GABRG3: variants seen among roughly 807,000 people sequenced by gnomAD.
GABRG3 encodes gamma-aminobutyric acid type A receptor subunit gamma3.
Under a neutral mutation model 48.8 loss-of-function variants are expected in GABRG3, and 25 were observed. The ratio of observed to expected loss-of-function variants is 0.51; its 90% CI spans 0.37 to 0.72. The LOEUF is 0.72. Among genes scored for constraint, GABRG3 ranks in the 30% least tolerant of loss-of-function variants. GABRG3 has a pLI of 0.00. For synonymous variants in GABRG3, 227 were observed against 217.6 expected, an observed-to-expected ratio of 1.04 and a Z score of -0.38; for missense variants, 394 against 577.9, an observed-to-expected ratio of 0.68 and a Z score of 3.26.
chr15:27,234,250 G>T (rs971179786), intron 3 of GABRG3, among the ~76,000 whole-genome samples: 4 of 152,144 alleles, frequency 2.6e-5, no homozygotes, highest in Non-Finnish European at 5.9e-5. Context: ...GCCCACAGAA[G>T]CCAGTGCTGC....
chr15:27,400,653 C>CT (rs1171031581), intron 5 of GABRG3, among the ~76,000 whole-genome samples: 1 of 152,188 alleles, frequency 6.6e-6, no homozygotes, highest in Non-Finnish European at 1.5e-5. Context: ...TTCCTCACCA[C>CT]TAGATGAGGA....
At chr15:27,277,028 TA>T (rs1891276666) in intron 3 of GABRG3, among the ~76,000 whole-genome samples, 1 of 152,198 alleles carries the variant, frequency 6.6e-6, no homozygotes, top group Non-Finnish European at 1.5e-5. Context: ...ACTTGGTAAC[TA>T]ATAAGATGCT....
chr15:27,104,818 A>G (rs562951531), intron 3 of GABRG3, among the ~76,000 whole-genome samples: 2 of 152,228 alleles, frequency 1.3e-5, no homozygotes, highest in Non-Finnish European at 2.9e-5. Flanking sequence ...ACTGTTGTCT[A>G]TGTGGAACTA....
At chr15:27,170,499 C>T (rs1404353089) in intron 3 of GABRG3, among the ~76,000 whole-genome samples, 1 of 152,080 alleles carries the variant, frequency 6.6e-6, no homozygotes, top group African/African-American at 2.4e-5. Context: ...AGTAGAAACT[C>T]TAAAATGCTC....
chr15:26,985,773 G>A (rs1010488227), intron 2 of GABRG3, among the ~76,000 whole-genome samples: 2 of 152,260 alleles, frequency 1.3e-5, no homozygotes, highest in Middle Eastern at 3.4e-3. Flanking sequence ...ATGAAGGGCC[G>A]TACAAAGAAC....
At chr15:27,016,297 C>A (rs2140671375) in intron 2 of GABRG3, among the ~76,000 whole-genome samples, 1 of 148,968 alleles carries the variant, frequency 6.7e-6, no homozygotes, top group Non-Finnish European at 1.5e-5. Flanking sequence ...AGTGCAGTGG[C>A]TCTATGACTT....
At chr15:27,415,724 G>A (rs1434380160) in intron 5 of GABRG3, among the ~76,000 whole-genome samples, 1 of 152,112 alleles carries the variant, frequency 6.6e-6, no homozygotes, top group Non-Finnish European at 1.5e-5. Context: ...GTCTCATTCT[G>A]ACTCTTGCTC....
chr15:27,520,099 T>C lies in GABRG3; in HGVS notation c.840T>C (p.Asp280=), dbSNP rs1891122954. Residue 280 remains aspartate, a synonymous_variant, in exon 7 of 10, where the codon GAT becomes GAC. Coordinates refer to ENST00000615808, the MANE Select transcript of GABRG3 (RefSeq NM_033223.5). Reference sequence around the variant, plus strand: ...GGGTGTCATTTTGGATCAAAAAAGATGCTACGCCAGCAAGAACAGCATTAG... The same window carrying C: ...GGGTGTCATTTTGGATCAAAAAAGACGCTACGCCAGCAAGAACAGCATTAG... ...LSWVSFWIKK[D]ATPARTALGI... 1 of 1,605,392 alleles carries C rather than the reference T, an allele frequency of 6.2e-7. No individual in the cohort carries two copies. Among genetic ancestry groups the C allele is most frequent in the Non-Finnish European group, 8.5e-7 (1 of 1,175,562 alleles).
chr15:27,019,668 T>A (rs1042048386), intron 2 of GABRG3, among the ~76,000 whole-genome samples: 1 of 152,114 alleles, frequency 6.6e-6, no homozygotes, highest in African/African-American at 2.4e-5. Context: ...CTCTGCCTAA[T>A]ACATCATTGT....
intron 6 of GABRG3, among the ~76,000 whole-genome samples, chr15:27,481,810 A>G (rs1890106592): frequency 6.6e-6 from 1 of 152,162 alleles, no homozygotes; most frequent in Non-Finnish European, 1.5e-5. Flanking sequence ...TATTTAAATG[A>G]ACTGTGGAGG....
At chr15:27,305,089 T>C (rs1327440791) in intron 3 of GABRG3, among the ~76,000 whole-genome samples, 3 of 151,926 alleles carry the variant, frequency 2.0e-5, no homozygotes, top group Non-Finnish European at 4.4e-5. Context: ...AGGTTTTTAA[T>C]ACATTTTGAG....
intron 3 of GABRG3, among the ~76,000 whole-genome samples, chr15:27,250,688 A>G (rs2003141): frequency 0.3 from 45,326 of 152,196 alleles, 8,649 homozygotes; most frequent in Non-Finnish European, 0.42. Flanking sequence ...TGGCCTCCCA[A>G]AGTGCTGGGA....
intron 2 of GABRG3, among the ~76,000 whole-genome samples, chr15:26,994,687 T>A (rs1168259507): frequency 2.0e-5 from 3 of 152,066 alleles, no homozygotes; most frequent in African/African-American, 2.4e-5. Flanking sequence ...ATCAGTGAGT[T>A]TTGTACCTTT....
At chr15:27,522,763 A>G (rs1470789760) in intron 7 of GABRG3, among the ~76,000 whole-genome samples, 1 of 151,942 alleles carries the variant, frequency 6.6e-6, no homozygotes, top group Non-Finnish European at 1.5e-5. Context: ...AAGACAAAAC[A>G]TTCATAAATG....
rs115453815 is a variant in GABRG3 at position 27,081,103 on chromosome 15, A to G, written c.270+54282A>G. On this transcript the variant is annotated intron_variant, in intron 3 of 9. Transcript: ENST00000615808. ...AAGCCTGGCCCACATCAGCAGGACC[A>G]CAAGTTGACCTGGAGACTCCTGAGC... Among the ~76,000 whole-genome samples the G allele has an allele frequency of 6.9e-3, 1,047 of 152,290 alleles. 11 individuals carry two copies. Among genetic ancestry groups the G allele is most frequent in the African/African-American group, 0.024 (1,014 of 41,562 alleles).
chr15:27,391,999 C>G (rs1464675181), intron 5 of GABRG3, among the ~76,000 whole-genome samples: 1 of 152,154 alleles, frequency 6.6e-6, no homozygotes, highest in East Asian at 1.9e-4. Context: ...TGGTACATAC[C>G]TTTGCTGTGA....
At chr15:27,090,731 A>G (rs995886987) in intron 3 of GABRG3, among the ~76,000 whole-genome samples, 4 of 152,268 alleles carry the variant, frequency 2.6e-5, no homozygotes, top group Admixed American at 2.0e-4. Context: ...AATTATCCCT[A>G]AGTATTTTTG....
chr15:27,049,889 C>T (rs1896428133), intron 3 of GABRG3, among the ~76,000 whole-genome samples: 1 of 152,152 alleles, frequency 6.6e-6, no homozygotes, highest in South Asian at 2.1e-4. Context: ...CCCTGGGCCT[C>T]TGTTTTTGTA....
Position 26,985,480 on chromosome 15 carries a change from T to C in GABRG3, c.202+8330T>C, listed in dbSNP as rs370728085. Among the ~76,000 whole-genome samples the C allele has an allele frequency of 1.5e-4, 23 of 152,352 alleles. No individual in the cohort carries two copies. In the South Asian group the frequency reaches 4.6e-3, roughly 30 times the overall value. ...GCAATAAAATATGGGCCTTGAATTA[T>C]AATTTTTAAATGAGTCTTCTTATGC... On this transcript the variant is annotated intron_variant, in intron 2 of 9. Transcript: ENST00000615808.
Sources: allele counts gnomAD v4.1 joint callset (sites outside exome capture counted in the v4.1 genomes callset), GRCh38; gene constraint gnomAD v4.1.1; transcripts MANE v1.5; gene names NCBI Gene and HGNC (gene_info 2026-07-23, HGNC 2026-07-21).